LGR6: variants seen among roughly 807,000 people sequenced by gnomAD.
The protein encoded by LGR6 is leucine rich repeat containing G protein-coupled receptor 6, also known as leucine-rich repeat-containing G protein-coupled receptor 6.
In LGR6, 45 loss-of-function variants were observed where a neutral mutation model predicts 69.4. That is an observed-to-expected ratio of 0.65 (90% confidence interval 0.51 to 0.83). The LOEUF is 0.83. LGR6 is among the 40% of genes least tolerant of loss of function. The probability of loss-of-function intolerance (pLI) is 0.00; values close to 1 mark genes in which losing one functional copy is unlikely to be tolerated. For missense variants in LGR6, 1,108 were observed against 1,246.7 expected, an observed-to-expected ratio of 0.89 and a Z score of 1.68; for synonymous variants, 538 against 555.0, an observed-to-expected ratio of 0.97 and a Z score of 0.43.
chr1:202,243,992 T>C (rs1353707387), intron 4 of LGR6, among the ~76,000 whole-genome samples: 1 of 152,142 alleles, frequency 6.6e-6, no homozygotes, highest in Non-Finnish European at 1.5e-5. Flanking sequence ...AGTCTCGCTC[T>C]GTCACCCAGG....
rs1653323013 is a variant in LGR6, at chr1:202,307,364, C to G, written c.1243C>G (p.Pro415Ala). The G allele has an allele frequency of 2.5e-6, 4 of 1,613,954 alleles. No homozygotes were observed. Among genetic ancestry groups the G allele is most frequent in the Admixed American group, 1.7e-5 (1 of 59,998 alleles). Residue 415 changes from proline (P) to alanine (A), a missense_variant, in exon 14 of 18, where the codon CCC becomes GCC. Pro to Ala is a conservative substitution (Grantham distance 27). Transcript: ENST00000367278. ...LSWNAIRSIH[P>A]EAFSTLHSLV... is the part of the protein sequence containing the mutation. ...CTGGAACGCCATCCGGTCCATCCAC[C>G]CCGAGGCCTTCTCCACCCTGCACTC...
intron 3 of LGR6, among the ~76,000 whole-genome samples, chr1:202,232,742 A>G (rs900114626): frequency 1.3e-5 from 2 of 152,238 alleles, no homozygotes; most frequent in South Asian, 4.1e-4. Flanking sequence ...CTGCCTCTCC[A>G]TATAGAACCA....
Position 202,233,057 on chromosome 1 carries a change from T to C in LGR6, c.357-2865T>C, listed in dbSNP as rs553004286. Among the ~76,000 whole-genome samples the C allele has an allele frequency of 5.3e-5, 8 of 152,166 alleles. No homozygotes were observed. The South Asian group carries it at 1.7e-3, about 32-fold the overall frequency. ...TCCAGCTTGATGGGTGTTGATTCCATGAATAAAAGGACTTTCTGATAATCA... is the reference window on the plus strand; with the variant it reads ...TCCAGCTTGATGGGTGTTGATTCCACGAATAAAAGGACTTTCTGATAATCA... On this transcript the variant is annotated intron_variant, in intron 3 of 17. Transcript: ENST00000367278.
At chr1:202,254,909 A>G (rs76932489) in intron 4 of LGR6, among the ~76,000 whole-genome samples, 1 of 120,720 alleles carries the variant, frequency 8.3e-6, no homozygotes, top group African/African-American at 2.8e-5. Flanking sequence ...CAAAAAAAAA[A>G]AAAAAAGGAA....
chr1:202,307,309 T>C (rs761462397), intron 13 of LGR6, 21 bp from the exon 14 acceptor site: 1 of 1,612,960 alleles, frequency 6.2e-7, no homozygotes, highest in Non-Finnish European at 8.5e-7. Flanking sequence ...TCCCCTCCTG[T>C]CACACCCTCT....
chr1:202,294,684 A>G (rs908837972), intron 6 of LGR6, among the ~76,000 whole-genome samples: 2 of 152,186 alleles, frequency 1.3e-5, no homozygotes, highest in African/African-American at 2.4e-5. Context: ...GTGATTAGGG[A>G]CCAAGTCACA....
intron 16 of LGR6, among the ~76,000 whole-genome samples, chr1:202,311,387 C>T (rs1469481444): frequency 1.3e-5 from 2 of 152,142 alleles, no homozygotes; most frequent in Non-Finnish European, 1.5e-5. Flanking sequence ...TGGCTGGGCG[C>T]GGTGGCTCAA....
intron 17 of LGR6, among the ~76,000 whole-genome samples, chr1:202,315,154 C>T (rs990554904): frequency 6.6e-6 from 1 of 152,228 alleles, no homozygotes; most frequent in Non-Finnish European, 1.5e-5. Context: ...ACTACTGTTA[C>T]ACAGGAGAGA....
chr1:202,302,309 A>C (rs1667661024), intron 9 of LGR6, among the ~76,000 whole-genome samples: 1 of 152,206 alleles, frequency 6.6e-6, no homozygotes, highest in South Asian at 2.1e-4. Context: ...TCCGATTTAC[A>C]GGTGGAACAT....
chr1:202,305,198 G>A (rs995170129), intron 11 of LGR6, among the ~76,000 whole-genome samples: 1 of 152,184 alleles, frequency 6.6e-6, no homozygotes. Flanking sequence ...GACTGGTGGT[G>A]TGTCCTTTAG....
At chr1:202,265,348 C>T (rs1457460022) in intron 4 of LGR6, among the ~76,000 whole-genome samples, 1 of 152,162 alleles carries the variant, frequency 6.6e-6, no homozygotes, top group Admixed American at 6.5e-5. Context: ...GGCTTGTGTG[C>T]TCTGTGAGGG....
chr1:202,299,621 G>T (rs1667432357), intron 7 of LGR6, among the ~76,000 whole-genome samples: 1 of 152,142 alleles, frequency 6.6e-6, no homozygotes, highest in Non-Finnish European at 1.5e-5. Context: ...CACAAAGATG[G>T]TGTTTAAGAA....
chr1:202,199,775 C>G (rs1658774570), intron 1 of LGR6, among the ~76,000 whole-genome samples: 1 of 152,202 alleles, frequency 6.6e-6, no homozygotes, highest in African/African-American at 2.4e-5. Flanking sequence ...GGGCAAATCA[C>G]TTAACCTCCC....
chr1:202,203,697 A>G (rs1371841363), intron 1 of LGR6: 20 of 958,990 alleles, frequency 2.1e-5, no homozygotes, highest in Non-Finnish European at 2.8e-5. Flanking sequence ...ACACCCAGGC[A>G]GGGCCAGATA....
chr1:202,288,171 C>G (rs1252225945), intron 6 of LGR6, among the ~76,000 whole-genome samples: 2 of 152,192 alleles, frequency 1.3e-5, no homozygotes, highest in Non-Finnish European at 2.9e-5. Context: ...CTGGAATGTT[C>G]TTTCCACCAT....
intron 5 of LGR6, among the ~76,000 whole-genome samples, chr1:202,277,515 G>A (rs1665670990): frequency 6.6e-6 from 1 of 152,114 alleles, no homozygotes; most frequent in Non-Finnish European, 1.5e-5. Context: ...TCTAACTTTG[G>A]TGACATCCCC....
At chr1:202,230,842 G>A (rs1237039575) in intron 3 of LGR6, among the ~76,000 whole-genome samples, 2 of 152,152 alleles carry the variant, frequency 1.3e-5, no homozygotes, top group Non-Finnish European at 2.9e-5. Flanking sequence ...CTGGCATCTA[G>A]AAAGACTCCT....
chr1:202,249,084 C>T (rs1292580420), intron 4 of LGR6, among the ~76,000 whole-genome samples: 1 of 152,210 alleles, frequency 6.6e-6, no homozygotes, highest in Non-Finnish European at 1.5e-5. Context: ...ACCAGTACCA[C>T]TCACCGAGGC....
chr1:202,216,763 C>T (rs1659813612), intron 1 of LGR6, among the ~76,000 whole-genome samples: 1 of 152,202 alleles, frequency 6.6e-6, no homozygotes, highest in African/African-American at 2.4e-5. Context: ...GCCTGGGTCC[C>T]TTTAACTTCT....
Sources: allele counts gnomAD v4.1 joint callset (sites outside exome capture counted in the v4.1 genomes callset), GRCh38; gene constraint gnomAD v4.1.1; transcripts MANE v1.5; gene names NCBI Gene and HGNC (gene_info 2026-07-23, HGNC 2026-07-21).